Variants in SLC22A17 observed in about 807,000 individuals in gnomAD.
SLC22A17 encodes solute carrier family 22 member 17, also known as 24p3 receptor.
A neutral mutation model predicts 53.6 loss-of-function variants in SLC22A17; 38 were observed. That is an observed-to-expected ratio of 0.71 (90% CI 0.55 to 0.93). SLC22A17 has a LOEUF of 0.93. Ranked by LOEUF, SLC22A17 falls within the 40% of genes least tolerant of loss-of-function variation. The pLI, the probability that SLC22A17 is intolerant of heterozygous loss-of-function variation, is 0.00. For missense variants in SLC22A17, 704 were observed against 791.0 expected (o/e 0.89, Z 1.32); for synonymous variants, 379 against 353.0 (o/e 1.07, Z -0.82).
At chr14:23,351,671 T>A in intron 3 of SLC22A17, 81 bp downstream of exon 3, 2 of 1,223,374 alleles carry the variant, frequency 1.6e-6, no homozygotes, top group African/African-American at 1.5e-5. Flanking sequence ...GTCTTCGACC[T>A]CCTGTAAACG....
rs374860847 is a variant in SLC22A17, at chr14:23,348,482, C to T, written c.1025+24G>A. On this transcript the variant is annotated intron_variant, in intron 5 of 9. Transcript: ENST00000397267. This position sits in a 1 kb window ranked among gnomAD's most constrained non-coding sequence, Gnocchi z 4.5. ...GGAGGCAGAGATGGGAATTGCCAGA[C>T]GACAGGTGAAGGGTAATACTGACCC... 14 of 1,605,652 alleles carry T rather than the reference C, an allele frequency of 8.7e-6. No individual in the cohort carries two copies. The highest frequency in any genetic ancestry group is 1.7e-5 in the Admixed American group (1 of 59,546).
chr14:23,347,551 G>C lies in SLC22A17; in HGVS notation c.1458C>G (p.Thr486=), dbSNP rs369056418. ...CCAGCAGGACCAGGGAAGCAATGCC[G>C]GTAAGGGTCATGGAGAGAAGAAGGA... The change falls in exon 8 of 10, where the codon ACC becomes ACG. Residue 486 remains threonine, a synonymous_variant. Coordinates refer to ENST00000397267, the Ensembl canonical transcript of SLC22A17. The surrounding 1 kb of genome is among the most constrained non-coding windows in gnomAD (Gnocchi z 5.1). 6.2e-7 allele frequency: 1 copy of C among 1,613,946 alleles called. No individual in the cohort carries two copies. The highest frequency in any genetic ancestry group is 1.3e-5 in the African/African-American group (1 of 74,896).
At position 23,352,146 on chromosome 14, in the gene SLC22A17, A is replaced by G. The variant is rs375000848; in HGVS notation, c.402T>C (p.Asn134=). ...TGGGAGGCTGCTCCCAGCCAGAGGC[A>G]TTAGGGGGGAAGGCCCCGTAGTGGC... Residue 134 remains asparagine, a synonymous_variant, in exon 2 of 10, where the codon AAT becomes AAC. Coordinates refer to ENST00000397267, the Ensembl canonical transcript of SLC22A17. This position sits in a 1 kb window ranked among gnomAD's most constrained non-coding sequence, Gnocchi z 7.2. 32 of 1,568,788 alleles carry G rather than the reference A, an allele frequency of 2.0e-5. No individual in the cohort carries two copies. The African/African-American group carries it at 4.3e-4, about 21-fold the overall frequency.
chr14:23,349,284 C>T, exon 4 of SLC22A17: 4 of 1,614,018 alleles, frequency 2.5e-6, no homozygotes, highest in Non-Finnish European at 3.4e-6. Flanking sequence ...ATCAGGTAGA[C>T]ACCCAGGTCA....
Position 23,348,315 on chromosome 14 carries a change from A to AG in SLC22A17, c.1026-10dup. 1 of 1,613,668 alleles carries AG rather than the reference A, an allele frequency of 6.2e-7. No individual in the cohort carries two copies. Among genetic ancestry groups the AG allele is most frequent in the South Asian group, 1.1e-5 (1 of 91,050 alleles). ...GGAACAAACCAGGCCAGCTGGGGGC[A>AG]GGGGGGAAGGGGTATACTGTGAGGC... On this transcript the variant is annotated splice_polypyrimidine_tract_variant and intron_variant, in intron 5 of 9. Coordinates refer to ENST00000397267, the Ensembl canonical transcript of SLC22A17. The surrounding 1 kb of genome is among the most constrained non-coding windows in gnomAD (Gnocchi z 4.5).
In SLC22A17 at chr14:23,347,102, G is replaced by A; in HGVS notation, c.1660C>T (p.Arg554Trp). The stretch of plus-strand genomic sequence containing the variant: ...CCCTGGGGGCACCCCTGCTCTCACC[G>A]GACAGTGGTGGGGATGACCTCAGCA... The change falls in exon 9 of 10, where the codon CGG becomes TGG. Residue 554 changes from arginine (R) to tryptophan (W), a missense_variant and splice_region_variant. Around this residue, in one of 4 missense-constraint regions of SLC22A17, gnomAD observed 196 missense variants for 171.5 expected, o/e 1.14. Transcript: ENST00000397267. This position sits in a 1 kb window ranked among gnomAD's most constrained non-coding sequence, Gnocchi z 5.1. The A allele has an allele frequency of 6.2e-7, 1 of 1,612,030 alleles. No homozygotes were observed. Among genetic ancestry groups the A allele is most frequent in the Non-Finnish European group, 8.5e-7 (1 of 1,179,250 alleles).
Position 23,349,221 on chromosome 14 carries a change from G to C in SLC22A17, c.859+51C>G, listed in dbSNP as rs7160328. The C allele has an allele frequency of 1.1e-4, 174 of 1,612,352 alleles. No individual in the cohort carries two copies. The African/African-American group carries it at 2.1e-3, about 20-fold the overall frequency. ...CAGTGAGGATGGCCTGGCGATGCAG[G>C]CAGGTAGGCATGAGACCCAAGGGAG... On this transcript the variant is annotated intron_variant, in intron 4 of 9. Coordinates refer to ENST00000397267, the Ensembl canonical transcript of SLC22A17.
exon 10 of SLC22A17, chr14:23,346,925 A>G (rs778441361): frequency 6.5e-7 from 1 of 1,535,640 alleles, no homozygotes; most frequent in Non-Finnish European, 8.7e-7. Context: ...GATCAGGCCC[A>G]GGCCACGGCC....
rs1242035137 is a variant in SLC22A17 at position 23,348,573 on chromosome 14, C to A, written c.958G>T (p.Val320Phe). 1 of 1,614,120 alleles carries A rather than the reference C, an allele frequency of 6.2e-7. No homozygotes were observed. Among genetic ancestry groups the A allele is most frequent in the African/African-American group, 1.3e-5 (1 of 75,044 alleles). ...TGTAGGAATCGCCAATCCTTAGAGA[C>A]AAGGGCCAGGCCCAGGAACAGGAAG... Residue 320 changes from valine to phenylalanine, a missense_variant, in exon 5 of 10, where the codon GTC becomes TTC. Val to Phe is a conservative substitution (Grantham distance 50, BLOSUM62 -1). This residue lies in a region of SLC22A17 where 435 missense variants were observed against 529.0 expected (regional missense o/e 0.82). Transcript: ENST00000397267. This position sits in a 1 kb window ranked among gnomAD's most constrained non-coding sequence, Gnocchi z 4.5.
Position 23,348,390 on chromosome 14 carries a change from G to A in SLC22A17, c.1026-84C>T, listed in dbSNP as rs1889378701. On this transcript the variant is annotated intron_variant, in intron 5 of 9. Coordinates refer to ENST00000397267, the Ensembl canonical transcript of SLC22A17. The surrounding 1 kb of genome is among the most constrained non-coding windows in gnomAD (Gnocchi z 4.5). Reference sequence around the variant, plus strand: ...GGAAATGTGCACCTCTGAGGGACTGGGGCTGGGGTAGGCCTGGACCAGGGG... The same window carrying A: ...GGAAATGTGCACCTCTGAGGGACTGAGGCTGGGGTAGGCCTGGACCAGGGG... 1 of 1,588,568 alleles carries A rather than the reference G, an allele frequency of 6.3e-7. No individual in the cohort carries two copies. Among genetic ancestry groups the A allele is most frequent in the Admixed American group, 1.7e-5 (1 of 59,110 alleles).
At chr14:23,349,792 C>T in intron 3 of SLC22A17, 1 of 288,558 alleles carries the variant, frequency 3.5e-6, no homozygotes, top group Non-Finnish European at 6.6e-6. Context: ...GGGCCTGGAG[C>T]TTATCTTGCT....
At chr14:23,349,274 A>T (rs1178418127) in exon 4 of SLC22A17, 1 of 1,613,872 alleles carries the variant, frequency 6.2e-7, no homozygotes, top group East Asian at 2.2e-5. Flanking sequence ...CCACTTACGC[A>T]TCAGGTAGAC....
At chr14:23,349,883 T>C (rs774916431) in intron 3 of SLC22A17, 4 of 176,130 alleles carry the variant, frequency 2.3e-5, no homozygotes, top group African/African-American at 4.8e-5. Context: ...GGGAGGCCAT[T>C]GGCCACTTGT....
intron 9 of SLC22A17, 35 bp from the exon 10 acceptor site, chr14:23,346,971 C>A: frequency 6.6e-7 from 1 of 1,508,290 alleles, no homozygotes; most frequent in South Asian, 1.3e-5. Context: ...CAGCCCACAG[C>A]TGTAGCCTTG....
rs781454017 is a variant in SLC22A17, at chr14:23,347,135, G to T, written c.1627C>A (p.Leu543Ile). 1 of 1,613,926 alleles carries T rather than the reference G, an allele frequency of 6.2e-7. No individual in the cohort carries two copies. Among genetic ancestry groups the T allele is most frequent in the Non-Finnish European group, 8.5e-7 (1 of 1,179,974 alleles). ...GTGGGGATGACCTCAGCAGCAAGGA[G>T]GGTGCTGAGGATGGCGGCAGCTTGG... Residue 543 changes from leucine to isoleucine, a missense_variant, in exon 9 of 10, where the codon CTC becomes ATC. Physicochemically the swap from Leu to Ile is conservative, Grantham distance 5 (BLOSUM62 2). Coordinates refer to ENST00000397267, the Ensembl canonical transcript of SLC22A17. This position sits in a 1 kb window ranked among gnomAD's most constrained non-coding sequence, Gnocchi z 5.1.
chr14:23,348,797 C>CA lies in SLC22A17; in HGVS notation c.860-127dup. 8 of 1,010,118 alleles carry CA rather than the reference C, an allele frequency of 7.9e-6. No homozygotes were observed. Among genetic ancestry groups the CA allele is most frequent in the Non-Finnish European group, 9.9e-6 (7 of 709,154 alleles). 62.6% of individuals were successfully genotyped at this position (1,010,118 alleles called of 1,614,324 possible). A position where few individuals can be genotyped will look rare whatever the true frequency, so the allele number is the denominator to read the frequency against. On this transcript the variant is annotated intron_variant, in intron 4 of 9. Coordinates refer to ENST00000397267, the Ensembl canonical transcript of SLC22A17. The surrounding 1 kb of genome is among the most constrained non-coding windows in gnomAD (Gnocchi z 4.5). ...TCAGACCCAGAGTGGAGGCTGCAGC[C>CA]ATTGCCTCCCTTGCTAACCTCTGGG...
At position 23,352,049 on chromosome 14, in the gene SLC22A17, C is replaced by T. The variant is rs996121282; in HGVS notation, c.499G>A (p.Asp167Asn). The T allele has an allele frequency of 6.2e-7, 1 of 1,607,126 alleles. No homozygotes were observed. Among genetic ancestry groups the T allele is most frequent in the Non-Finnish European group, 8.5e-7 (1 of 1,177,094 alleles). ...GGGGCGAAGCCGCTGCACGAGGGGT[C>T]GGTACTGGTGGCGACACGGCTGGCG... Residue 167 changes from aspartate to asparagine, a missense_variant, in exon 2 of 10, where the codon GAC (aspartate) becomes AAC (asparagine). Transcript: ENST00000397267. This position sits in a 1 kb window ranked among gnomAD's most constrained non-coding sequence, Gnocchi z 7.2.
chr14:23,352,337 G>C lies in SLC22A17; in HGVS notation c.211C>G (p.Leu71Val). The C allele has an allele frequency of 2.6e-6, 3 of 1,145,006 alleles. No homozygotes were observed. The highest frequency in any genetic ancestry group is 3.5e-6 in the Non-Finnish European group (3 of 862,338). 70.9% of individuals were successfully genotyped at this position (1,145,006 alleles called of 1,614,324 possible). A position where few individuals can be genotyped will look rare whatever the true frequency, so the allele number is the denominator to read the frequency against. Reference sequence around the variant, plus strand: ...CTGAGGGGGCCTGGGGGCACGGCCAGCGACAGGCTGCTGCCCAGTCCGTCG... The same window carrying C: ...CTGAGGGGGCCTGGGGGCACGGCCACCGACAGGCTGCTGCCCAGTCCGTCG... Residue 71 changes from leucine to valine, a missense_variant, in exon 2 of 10, where the codon CTG becomes GTG. Physicochemically the swap from Leu to Val is conservative, Grantham distance 32. Coordinates refer to ENST00000397267, the Ensembl canonical transcript of SLC22A17. The surrounding 1 kb of genome is among the most constrained non-coding windows in gnomAD (Gnocchi z 7.2).
In SLC22A17 at chr14:23,352,463, C is replaced by G. The variant is rs1310638872; in HGVS notation, c.97-12G>C. 6.8e-6 allele frequency: 3 copies of G among 440,918 alleles called. No homozygotes were observed. Among genetic ancestry groups the G allele is most frequent in the Non-Finnish European group, 1.2e-5 (3 of 253,784 alleles). The allele number at this position is 440,918 out of a possible 1,614,324, so 27.3% of individuals were successfully genotyped here. On this transcript the variant is annotated splice_polypyrimidine_tract_variant and intron_variant, in intron 1 of 9. Transcript: ENST00000397267. The surrounding 1 kb of genome is among the most constrained non-coding windows in gnomAD (Gnocchi z 7.2). Reference sequence around the variant, plus strand: ...AGGGTCCCGACCTGCTGTTGGGGGGCAGGGGGTGGCAGGAGAAGGGTGAAG... The same window carrying G: ...AGGGTCCCGACCTGCTGTTGGGGGGGAGGGGGTGGCAGGAGAAGGGTGAAG...
Sources: gnomAD v4.1 joint callset for allele counts on GRCh38, gnomAD v4.1.1 for gene constraint, gnomAD v4.1.1 regional missense constraint, Gnocchi (gnomAD v3.1) non-coding constraint, MANE v1.5 for transcripts, NCBI Gene and HGNC (gene_info 2026-07-23, HGNC 2026-07-21) for gene names.